Variants in TXNDC11 observed in about 807,000 individuals in gnomAD.
TXNDC11 encodes the protein thioredoxin domain containing 11.
In TXNDC11, 68 loss-of-function variants were observed where a neutral mutation model predicts 78.0. The ratio of observed to expected loss-of-function variants is 0.87; its 90% CI spans 0.72 to 1.07. The LOEUF is 1.07. Among genes scored for constraint, TXNDC11 ranks in the 50% least tolerant of loss-of-function variants. TXNDC11 has a pLI of 0.00. For missense variants in TXNDC11, 1,389 were observed against 1,221.8 expected, an observed-to-expected ratio of 1.14 and a Z score of -2.04; for synonymous variants, 571 against 495.2, an observed-to-expected ratio of 1.15 and a Z score of -2.03.
intron 3 of TXNDC11, among the ~76,000 whole-genome samples, chr16:11,731,311 A>T (rs560065677): frequency 2.4e-3 from 361 of 152,328 alleles, no homozygotes; most frequent in Non-Finnish European, 4.6e-3. Flanking sequence ...TTACAACAAT[A>T]ACAAATTATG....
intron 1 of TXNDC11, among the ~76,000 whole-genome samples, chr16:11,737,203 T>A (rs1567354266): frequency 6.6e-6 from 1 of 152,056 alleles, no homozygotes; most frequent in Non-Finnish European, 1.5e-5. Flanking sequence ...TCCAGCACTT[T>A]GGGAGGCCGA....
At chr16:11,708,184 T>A (rs970249377) in intron 5 of TXNDC11, among the ~76,000 whole-genome samples, 4 of 152,178 alleles carry the variant, frequency 2.6e-5, no homozygotes, top group Admixed American at 2.0e-4. Context: ...AAAGCAAGAT[T>A]CATTTATCTC....
Position 11,698,167 on chromosome 16 carries a change from T to G in TXNDC11, c.1065A>C (p.Ile355=), listed in dbSNP as rs2141026208. Residue 355 remains isoleucine (I), a synonymous_variant, in exon 7 of 12, where the codon ATA becomes ATC. Coordinates refer to ENST00000283033, the MANE Select transcript of TXNDC11 (RefSeq NM_015914.7). ...LKKGPALFLF[I]PFNPLAESHP... ...GACTTTCGGCCAGGGGATTAAAAGG[T>G]ATGAACAGAAACAGCGCTGGTCCTT... The G allele has an allele frequency of 6.2e-7, 1 of 1,614,206 alleles. No homozygotes were observed. Among genetic ancestry groups the G allele is most frequent in the South Asian group, 1.1e-5 (1 of 91,088 alleles).
At chr16:11,724,961 G>C (rs143554726) in intron 4 of TXNDC11, among the ~76,000 whole-genome samples, 59 of 152,224 alleles carry the variant, frequency 3.9e-4, no homozygotes, top group African/African-American at 1.3e-3. Context: ...TGGCCAGGCT[G>C]GTCTTAAACT....
intron 7 of TXNDC11, among the ~76,000 whole-genome samples, chr16:11,694,405 T>A (rs1199326728): frequency 6.6e-6 from 1 of 151,308 alleles, no homozygotes; most frequent in Non-Finnish European, 1.5e-5. Flanking sequence ...CTCCCAGGGC[T>A]GTAATCCCAC....
chr16:11,708,430 C>T (rs1336162420), intron 5 of TXNDC11, among the ~76,000 whole-genome samples: 1 of 152,126 alleles, frequency 6.6e-6, no homozygotes, highest in East Asian at 1.9e-4. Flanking sequence ...CTCTCAGAGG[C>T]CTATAGTAAA....
At position 11,691,643 on chromosome 16, in the gene TXNDC11, A is replaced by G. The variant is rs2050718649; in HGVS notation, c.1547T>C (p.Val516Ala). The G allele has an allele frequency of 1.2e-6, 2 of 1,614,218 alleles. No individual in the cohort carries two copies. Among genetic ancestry groups the G allele is most frequent in the Non-Finnish European group, 1.7e-6 (2 of 1,180,046 alleles). ...TTGTTCAGAGTCGATGAAGCCTGAC[A>G]CACCCCTGCTTATGGTCCTGCAACA... ...TACCRTISRG[V>A]SGFIDSEQGV... Residue 516 changes from valine to alanine, a missense_variant, in exon 8 of 12, where the codon GTG (valine) becomes GCG (alanine). Val to Ala is a moderately conservative substitution (Grantham distance 64). Transcript: ENST00000283033.
intron 2 of TXNDC11, among the ~76,000 whole-genome samples, chr16:11,734,664 A>C (rs1261785147): frequency 6.6e-6 from 1 of 152,202 alleles, no homozygotes; most frequent in Non-Finnish European, 1.5e-5. Context: ...TAGCTAATTC[A>C]CACTTATTAA....
chr16:11,742,392 G>C (rs2141137703), intron 1 of TXNDC11, 85 bp downstream of exon 1: 1 of 1,158,008 alleles, frequency 8.6e-7, no homozygotes, highest in Non-Finnish European at 1.1e-6. Flanking sequence ...CCCCGGCTGA[G>C]GCCGCTGCGA....
At chr16:11,724,041 C>T (rs957092115) in intron 4 of TXNDC11, among the ~76,000 whole-genome samples, 3 of 152,164 alleles carry the variant, frequency 2.0e-5, no homozygotes, top group African/African-American at 4.8e-5. Flanking sequence ...GCAGCACTCA[C>T]GCCTGTAATC....
chr16:11,736,065 G>A lies in TXNDC11; in HGVS notation c.423C>T (p.Ile141=), dbSNP rs771370976. The A allele has an allele frequency of 6.2e-6, 10 of 1,614,008 alleles. No individual in the cohort carries two copies. Among genetic ancestry groups the A allele is most frequent in the Middle Eastern group, 1.6e-4 (1 of 6,074 alleles). The change falls in exon 2 of 12, where the codon ATC becomes ATT. Residue 141 remains isoleucine, a synonymous_variant. Coordinates refer to ENST00000283033, the MANE Select transcript of TXNDC11 (RefSeq NM_015914.7). ...FFYAPWCGQS[I]AARAEIEQAA... Reference sequence around the variant, plus strand: ...CTTGCTCAATTTCTGCCCTGGCAGCGATGGACTGTCCACACCAAGGGGCAT... The same window carrying A: ...CTTGCTCAATTTCTGCCCTGGCAGCAATGGACTGTCCACACCAAGGGGCAT...
intron 5 of TXNDC11, among the ~76,000 whole-genome samples, chr16:11,701,095 C>T (rs1437614559): frequency 7.1e-6 from 1 of 140,616 alleles, no homozygotes; most frequent in Non-Finnish European, 1.6e-5. Context: ...TAATCTCATT[C>T]ATTTATTTAG....
chr16:11,730,200 T>G (rs11639945), intron 4 of TXNDC11, among the ~76,000 whole-genome samples: 66,454 of 152,002 alleles, frequency 0.44, 15,154 homozygotes, highest in Middle Eastern at 0.56. Context: ...GACCTTCAAA[T>G]AGTTATATAC....
Position 11,679,695 on chromosome 16 carries a change from C to T in TXNDC11, c.2377G>A (p.Ala793Thr), listed in dbSNP as rs1293111741. 6.2e-7 allele frequency: 1 copy of T among 1,614,186 alleles called. No individual in the cohort carries two copies. The highest frequency in any genetic ancestry group is 1.1e-5 in the South Asian group (1 of 91,084). Residue 793 changes from alanine to threonine, a missense_variant, in exon 12 of 12, where the codon GCA becomes ACA. Transcript: ENST00000283033. This position sits in a 1 kb window ranked among gnomAD's most constrained non-coding sequence, Gnocchi z 4.6. ...SPTKECLQSE[A>T]VLQRGHISHL... ...GAGATGTGCCCCCGCTGTAAGACTG[C>T]CTCGCTCTGAAGACACTCCTTGGTA...
chr16:11,694,437 C>T (rs916009609), intron 7 of TXNDC11, among the ~76,000 whole-genome samples: 2 of 151,704 alleles, frequency 1.3e-5, no homozygotes, highest in African/African-American at 4.8e-5. Flanking sequence ...GCATGAGCCA[C>T]CGCGCCCGAC....
Position 11,691,523 on chromosome 16 carries a change from C to T in TXNDC11, c.1667G>A (p.Arg556Lys). The part of the protein sequence containing the change: ...PSSVPHIEEN[R>K]YLFPEVDMTS... ...CATGTCCACTTCTGGAAAGAGATAC[C>T]TGTTCTCCTCAATGTGAGGAACGGA... Residue 556 changes from arginine (R) to lysine (K), a missense_variant, in exon 8 of 12, where the codon AGG becomes AAG. Physicochemically the swap from Arg to Lys is conservative, Grantham distance 26. Transcript: ENST00000283033. The T allele has an allele frequency of 6.2e-7, 1 of 1,614,204 alleles. No individual in the cohort carries two copies. Among genetic ancestry groups the T allele is most frequent in the Non-Finnish European group, 8.5e-7 (1 of 1,180,026 alleles).
chr16:11,742,519 G>A lies in TXNDC11; in HGVS notation c.212C>T (p.Ala71Val), dbSNP rs1412380086. 12 of 1,455,568 alleles carry A rather than the reference G, an allele frequency of 8.2e-6. No homozygotes were observed. The highest frequency in any genetic ancestry group is 1.1e-5 in the Non-Finnish European group (12 of 1,112,110). 90.2% of individuals were successfully genotyped at this position (1,455,568 alleles called of 1,614,324 possible). ...GGCGAGGAGCAGCGCGCAGCCGAGC[G>A]CCACGGCCCCGCAGAGCAGCTCCGG... ...QRPELLCGAVALGCALLLALK... is the reference protein window; with the variant it reads ...QRPELLCGAVVLGCALLLALK... The change falls in exon 1 of 12, where the codon GCG (alanine) becomes GTG (valine). Residue 71 changes from alanine to valine, a missense_variant. Physicochemically the swap from Ala to Val is moderately conservative, Grantham distance 64. Coordinates refer to ENST00000283033, the MANE Select transcript of TXNDC11 (RefSeq NM_015914.7).
chr16:11,698,435 G>A (rs1032087615), intron 6 of TXNDC11, 110 bp from the exon 7 acceptor site: 86 of 889,166 alleles, frequency 9.7e-5, no homozygotes, highest in East Asian at 5.3e-4. Flanking sequence ...AAACCCAGGC[G>A]TGGAGCGGGG....
At chr16:11,698,029 G>C in intron 7 of TXNDC11, 96 bp downstream of exon 7, 1 of 1,190,732 alleles carries the variant, frequency 8.4e-7, no homozygotes, top group Non-Finnish European at 1.2e-6. Flanking sequence ...GCAGCCATTA[G>C]CTGCCAGAGT....
Sources: allele counts gnomAD v4.1 joint callset (sites outside exome capture counted in the v4.1 genomes callset), GRCh38; gene constraint gnomAD v4.1.1; non-coding constraint Gnocchi (gnomAD v3.1); transcripts MANE v1.5; gene names NCBI Gene and HGNC (gene_info 2026-07-23, HGNC 2026-07-21).